Variants in SEZ6L observed in about 807,000 individuals in gnomAD.
The protein encoded by SEZ6L is seizure related 6 homolog like.
Under a neutral mutation model 106.2 loss-of-function variants are expected in SEZ6L, and 37 were observed. The observed-to-expected ratio is 0.35, with a 90% CI of 0.27 to 0.46. The LOEUF is 0.46. SEZ6L is among the 20% of genes least tolerant of loss of function. The probability of loss-of-function intolerance (pLI) is 1.00; values close to 1 mark genes in which losing one functional copy is unlikely to be tolerated. For missense variants in SEZ6L, 1,172 were observed against 1,332.8 expected, an observed-to-expected ratio of 0.88 and a Z score of 1.88; for synonymous variants, 541 against 570.4, an observed-to-expected ratio of 0.95 and a Z score of 0.73.
At chr22:26,304,397 A>AAAGAAAGAAAGAAAG (rs2081564638) in intron 5 of SEZ6L, among the ~76,000 whole-genome samples, 5 of 149,770 alleles carry the variant, frequency 3.3e-5, no homozygotes, top group Admixed American at 3.3e-4. Flanking sequence ...AGAAAGAAAG[A>AAAGAAAGAAAGAAAG]AAGAAAGAAA....
chr22:26,294,533 T>G, intron 3 of SEZ6L, 108 bp downstream of exon 3: 1 of 1,204,000 alleles, frequency 8.3e-7, no homozygotes, highest in Non-Finnish European at 1.2e-6. Flanking sequence ...GTTCTGTCTT[T>G]GCCCAACCAG....
chr22:26,314,025 C>A, intron 9 of SEZ6L, 123 bp downstream of exon 9: 2 of 953,000 alleles, frequency 2.1e-6, no homozygotes, highest in East Asian at 2.5e-5. Flanking sequence ...CGGGACTATG[C>A]AGAGAACAGG....
At chr22:26,270,569 A>G (rs1039898106) in intron 1 of SEZ6L, among the ~76,000 whole-genome samples, 1 of 152,100 alleles carries the variant, frequency 6.6e-6, no homozygotes, top group African/African-American at 2.4e-5. Flanking sequence ...AGGCAAATGT[A>G]TGGAATAGGA....
chr22:26,271,736 G>C (rs2080376683), intron 1 of SEZ6L, among the ~76,000 whole-genome samples: 1 of 152,212 alleles, frequency 6.6e-6, no homozygotes, highest in African/African-American at 2.4e-5. Context: ...CCCAGCAGAT[G>C]CTGGCACCAT....
chr22:26,298,573 C>G (rs2081364718), intron 4 of SEZ6L, among the ~76,000 whole-genome samples: 1 of 152,178 alleles, frequency 6.6e-6, no homozygotes, highest in Non-Finnish European at 1.5e-5. Context: ...TGGGCAATTC[C>G]CAAAGACCTG....
intron 1 of SEZ6L, among the ~76,000 whole-genome samples, chr22:26,210,066 A>T (rs1174291067): frequency 1.3e-5 from 2 of 151,824 alleles, no homozygotes; most frequent in African/African-American, 4.8e-5. Context: ...GCACTATGTT[A>T]GCAAAAAATA....
Position 26,281,548 on chromosome 22 carries a change from T to A in SEZ6L, c.95-10858T>A, listed in dbSNP as rs5997061. 2.9e-3 allele frequency among the ~76,000 whole-genome samples: 429 copies of A among 149,964 alleles called. 12 individuals are homozygous for A. The East Asian group carries it at 0.043, about 15-fold the overall frequency. On this transcript the variant is annotated intron_variant, in intron 1 of 16. Transcript: ENST00000248933. ...CGCCACCATGGCCGGCTACTTTTTTTAAATTTTTTTTAGTAGAGACGGGGT... is the reference window on the plus strand; with the variant it reads ...CGCCACCATGGCCGGCTACTTTTTTAAAATTTTTTTTAGTAGAGACGGGGT...
Position 26,297,049 on chromosome 22 carries a change from C to T in SEZ6L, c.1131C>T (p.Asp377=), listed in dbSNP as rs771972637. The T allele has an allele frequency of 1.5e-5, 25 of 1,613,534 alleles. No individual in the cohort carries two copies. Among genetic ancestry groups the T allele is most frequent in the African/African-American group, 2.7e-5 (2 of 75,032 alleles). Reference sequence around the variant, plus strand: ...TCTACTTCCGGACCTTCCAGGACGACGGCCTTGGGACCTTCCAGCTTCACT... The same window carrying T: ...TCTACTTCCGGACCTTCCAGGACGATGGCCTTGGGACCTTCCAGCTTCACT... The part of the protein sequence containing the change: ...ISVYFRTFQD[D]GLGTFQLHYQ... Residue 377 remains aspartate (D), a synonymous_variant, in exon 4 of 17, where the codon GAC becomes GAT. Coordinates refer to ENST00000248933, the MANE Select transcript of SEZ6L (RefSeq NM_021115.5).
rs1569455161 is a variant in SEZ6L at position 26,305,902 on chromosome 22, CT to C, written c.1349-76del. On this transcript the variant is annotated intron_variant, in intron 5 of 16. Transcript: ENST00000248933. ...CACTCACTTCCTTCTCTCTCTCTCT[CT>C]CTTTCTCTCTGTCTCTCTCCTCTCT... The C allele has an allele frequency of 3.6e-6, 5 of 1,389,300 alleles. No homozygotes were observed. The African/African-American group carries it at 5.7e-5, about 16-fold the overall frequency. 86.1% of individuals were successfully genotyped at this position (1,389,300 alleles called of 1,614,324 possible).
At chr22:26,256,683 C>T (rs971600160) in intron 1 of SEZ6L, among the ~76,000 whole-genome samples, 1 of 152,200 alleles carries the variant, frequency 6.6e-6, no homozygotes, top group Non-Finnish European at 1.5e-5. Flanking sequence ...TAGCCTGGTC[C>T]CTGGACCAGC....
intron 1 of SEZ6L, among the ~76,000 whole-genome samples, chr22:26,291,260 A>G (rs908229401): frequency 2.0e-5 from 3 of 152,248 alleles, no homozygotes; most frequent in Admixed American, 6.5e-5. Context: ...CTATGCAGCC[A>G]TAAAGACAAA....
chr22:26,267,370 C>T (rs531968484), intron 1 of SEZ6L, among the ~76,000 whole-genome samples: 61 of 152,264 alleles, frequency 4.0e-4, no homozygotes, highest in Non-Finnish European at 7.5e-4. Flanking sequence ...TTTGATATGG[C>T]TGTAAAATGA....
At chr22:26,375,761 C>T (rs1404453897) in intron 15 of SEZ6L, 72 bp downstream of exon 15, 1 of 1,110,484 alleles carries the variant, frequency 9.0e-7, no homozygotes, top group Non-Finnish European at 1.3e-6. Flanking sequence ...GGCGGTTCAC[C>T]TCTCTGAGCC....
intron 3 of SEZ6L, among the ~76,000 whole-genome samples, chr22:26,296,571 A>C (rs151282720): frequency 6.3e-4 from 96 of 152,282 alleles, no homozygotes; most frequent in African/African-American, 2.0e-3. Flanking sequence ...AGGATAATCT[A>C]TCCCACCCAC....
intron 3 of SEZ6L, among the ~76,000 whole-genome samples, chr22:26,296,599 G>A (rs2081307570): frequency 6.6e-6 from 1 of 152,198 alleles, no homozygotes; most frequent in South Asian, 2.1e-4. Flanking sequence ...CAGGGCCTGT[G>A]CCAAAGGCCC....
chr22:26,294,214 C>T (rs1472496168), intron 2 of SEZ6L, 78 bp from the exon 3 acceptor site: 17 of 1,468,694 alleles, frequency 1.2e-5, no homozygotes, highest in Non-Finnish European at 1.5e-5. Context: ...CCCTAAAGCC[C>T]CCATTCCACC....
At chr22:26,249,718 G>A (rs941676451) in intron 1 of SEZ6L, among the ~76,000 whole-genome samples, 28 of 152,278 alleles carry the variant, frequency 1.8e-4, no homozygotes, top group African/African-American at 6.7e-4. Flanking sequence ...TGGATCGTAA[G>A]GTAGTTCTAC....
At chr22:26,279,296 G>A (rs1349986089) in intron 1 of SEZ6L, among the ~76,000 whole-genome samples, 1 of 152,158 alleles carries the variant, frequency 6.6e-6, no homozygotes, top group African/African-American at 2.4e-5. Context: ...AGGGTGAACT[G>A]CCTGTGGGAG....
At chr22:26,377,292 T>A (rs1221294082) in intron 15 of SEZ6L, among the ~76,000 whole-genome samples, 1 of 151,766 alleles carries the variant, frequency 6.6e-6, no homozygotes, top group Non-Finnish European at 1.5e-5. Context: ...AATAAATAGG[T>A]GGTCAAGGAA....
Sources: gnomAD v4.1 joint callset for allele counts (sites outside exome capture counted in the v4.1 genomes callset) on GRCh38, gnomAD v4.1.1 for gene constraint, MANE v1.5 for transcripts, NCBI Gene and HGNC (gene_info 2026-07-23, HGNC 2026-07-21) for gene names.